ZAN: variants seen among roughly 807,000 people sequenced by gnomAD.
The protein encoded by ZAN is zonadhesin (gene/pseudogene).
In ZAN, 260 loss-of-function variants were observed where a neutral mutation model predicts 286.2. The observed-to-expected ratio is 0.91, with a 90% CI of 0.82 to 1.01. The LOEUF is 1.01. ZAN is among the 50% of genes least tolerant of loss of function. The pLI, the probability that ZAN is intolerant of heterozygous loss-of-function variation, is 0.00. For synonymous variants in ZAN, 1,368 were observed against 1,417.5 expected, an observed-to-expected ratio of 0.97 and a Z score of 0.79; for missense variants, 3,410 against 3,639.2, an observed-to-expected ratio of 0.94 and a Z score of 1.62.
At chr7:100,788,816 A>G (rs1358970917) in intron 38 of ZAN, among the ~76,000 whole-genome samples, 3 of 152,054 alleles carry the variant, frequency 2.0e-5, no homozygotes, top group Non-Finnish European at 4.4e-5. Context: ...ATCCTGCCTC[A>G]ACCTCCCTAG....
chr7:100,779,841 G>A (rs927477037), intron 35 of ZAN, 91 bp downstream of exon 35: 12 of 1,324,696 alleles, frequency 9.1e-6, no homozygotes, highest in Admixed American at 5.4e-5. Context: ...CTTCCTGTTC[G>A]TTCCTGACTA....
In ZAN at chr7:100,736,347, G is replaced by T. The variant is rs187208532; in HGVS notation, c.107-136G>T. The T allele has an allele frequency of 1.1e-5, 11 of 1,039,992 alleles. 1 individual carries two copies. The Admixed American group carries it at 1.4e-4, about 14-fold the overall frequency. 64.4% of individuals were successfully genotyped at this position (1,039,992 alleles called of 1,614,324 possible). ...GCCTCCCCAGTAGCTGGGACTACAG[G>T]TGTGCGCCACCACACCCGGCTGATT... On this transcript the variant is annotated intron_variant, in intron 3 of 47. Transcript: ENST00000613979.
chr7:100,753,439 T>TG (rs1158569773), intron 14 of ZAN, among the ~76,000 whole-genome samples: 3 of 152,054 alleles, frequency 2.0e-5, no homozygotes, highest in African/African-American at 7.2e-5. Context: ...CTGGAGTGGG[T>TG]GGGGGTGTCA....
chr7:100,785,250 C>T (rs926896502), intron 36 of ZAN, among the ~76,000 whole-genome samples: 4 of 109,188 alleles, frequency 3.7e-5, no homozygotes, highest in African/African-American at 1.0e-4. Context: ...TTTTTTGAGA[C>T]GGAGTCTCCC....
chr7:100,794,045 G>T, intron 43 of ZAN, 27 bp downstream of exon 43: 1 of 1,612,448 alleles, frequency 6.2e-7, no homozygotes, highest in East Asian at 2.2e-5. Flanking sequence ...GGAGGCCCTG[G>T]GGAGCAGAGG....
Position 100,788,187 on chromosome 7 carries a change from T to C in ZAN, c.7227+51T>C. ...GGTGTGGGGAGGCAGCTGGACCAGGTAGGCCACCTGGAGTAGAAGTCAGGG... is the reference window on the plus strand; with the variant it reads ...GGTGTGGGGAGGCAGCTGGACCAGGCAGGCCACCTGGAGTAGAAGTCAGGG... On this transcript the variant is annotated intron_variant, in intron 38 of 47. Transcript: ENST00000613979. 4.2e-6 allele frequency: 6 copies of C among 1,428,518 alleles called. No individual in the cohort carries two copies. In the Middle Eastern group the frequency reaches 6.0e-4, roughly 143 times the overall value. The allele number at this position is 1,428,518 out of a possible 1,614,324, so 88.5% of individuals were successfully genotyped here. A position where few individuals can be genotyped will look rare whatever the true frequency, so the allele number is the denominator to read the frequency against.
At chr7:100,759,621 TG>T in intron 17 of ZAN, 99 bp from the exon 18 acceptor site, 1 of 1,413,636 alleles carries the variant, frequency 7.1e-7, no homozygotes. Context: ...GGTGTCTCGG[TG>T]GCGCTCATCT....
chr7:100,766,603 T>G lies in ZAN; in HGVS notation c.4549T>G (p.Trp1517Gly). 1 of 1,556,354 alleles carries G rather than the reference T, an allele frequency of 6.4e-7. No individual in the cohort carries two copies. The highest frequency in any genetic ancestry group is 8.7e-7 in the Non-Finnish European group (1 of 1,149,824). ...ESNNRIRCQP[W>G]RCRAQEFCGQ... Reference sequence around the variant, plus strand: ...CAACAACAGAATTCGCTGCCAGCCCTGGAGGTGTAGGGCCCAGGAGTTCTG... The same window carrying G: ...CAACAACAGAATTCGCTGCCAGCCCGGGAGGTGTAGGGCCCAGGAGTTCTG... Residue 1517 changes from tryptophan to glycine, a missense_variant, in exon 24 of 48, where the codon TGG (tryptophan) becomes GGG (glycine). Trp to Gly is a radical substitution (Grantham distance 184). Coordinates refer to ENST00000613979, the MANE Select transcript of ZAN (RefSeq NM_003386.3).
chr7:100,775,194 T>C, intron 31 of ZAN, 134 bp from the exon 32 acceptor site: 3 of 1,341,214 alleles, frequency 2.2e-6, no homozygotes, highest in Non-Finnish European at 3.0e-6. Context: ...ATTACAGGCA[T>C]GAGCCACTGC....
chr7:100,759,650 C>T, intron 17 of ZAN, 71 bp from the exon 18 acceptor site: 2 of 1,498,546 alleles, frequency 1.3e-6, no homozygotes, highest in Middle Eastern at 1.7e-4. Context: ...CGGCGCCAGG[C>T]TCAGGGCACT....
chr7:100,781,013 G>A (rs1449133773), intron 35 of ZAN, among the ~76,000 whole-genome samples: 6 of 151,990 alleles, frequency 3.9e-5, no homozygotes, highest in Middle Eastern at 3.4e-3. Flanking sequence ...GAAAAACAAC[G>A]TCTTATTATT....
chr7:100,775,911 G>A (rs1810750764), intron 33 of ZAN, 78 bp downstream of exon 33: 2 of 1,552,418 alleles, frequency 1.3e-6, no homozygotes, highest in East Asian at 4.5e-5. Flanking sequence ...GGGGGGCAGT[G>A]TTCGCATCGT....
chr7:100,772,707 G>C (rs1290911292), intron 29 of ZAN, among the ~76,000 whole-genome samples: 1 of 151,588 alleles, frequency 6.6e-6, no homozygotes, highest in Non-Finnish European at 1.5e-5. Context: ...TGTAGTCCCA[G>C]CTACTCGGGA....
At position 100,737,090 on chromosome 7, in the gene ZAN, G is replaced by A; in HGVS notation, c.525+10G>A. ...CACCCTGCCCACCCGGGTAAGGCCG[G>A]GGACAAATTGTGGGACCTCGGGGGG... On this transcript the variant is annotated intron_variant, in intron 5 of 47. Transcript: ENST00000613979. 1 of 1,487,970 alleles carries A rather than the reference G, an allele frequency of 6.7e-7. No homozygotes were observed. The allele number at this position is 1,487,970 out of a possible 1,614,324, so 92.2% of individuals were successfully genotyped here.
At chr7:100,759,161 G>A (rs994660184) in intron 17 of ZAN, among the ~76,000 whole-genome samples, 1 of 151,946 alleles carries the variant, frequency 6.6e-6, no homozygotes, top group African/African-American at 2.4e-5. Flanking sequence ...GGAGGCGGAG[G>A]TTGCAGTGAG....
At position 100,751,891 on chromosome 7, in the gene ZAN, G is replaced by T; in HGVS notation, c.1786G>T (p.Glu596Ter). ...VPKEKPTIPT[E>*]KPTISTEKPT... Reference sequence around the variant, plus strand: ...CAAAGAAAAGCCCACCATTCCCACAGAAAAACCCACCATCTCCACAGAAAA... The same window carrying T: ...CAAAGAAAAGCCCACCATTCCCACATAAAAACCCACCATCTCCACAGAAAA... Residue 596 changes from glutamate to a stop codon, truncating the protein, a stop_gained, in exon 14 of 48, where the codon GAA becomes TAA. Coordinates refer to ENST00000613979, the MANE Select transcript of ZAN (RefSeq NM_003386.3). LOFTEE classifies it high-confidence loss of function. 1 of 1,613,118 alleles carries T rather than the reference G, an allele frequency of 6.2e-7. No homozygotes were observed. The highest frequency in any genetic ancestry group is 8.5e-7 in the Non-Finnish European group (1 of 1,179,732).
rs140521765 is a variant in ZAN, at chr7:100,773,878, C to G, written c.5779+13C>G. ...TGTCGGGCCTCAGGTAGGAGGACCA[C>G]GGTGATGGGGGGACTCCACAGCCCT... On this transcript the variant is annotated intron_variant, in intron 31 of 47. Coordinates refer to ENST00000613979, the MANE Select transcript of ZAN (RefSeq NM_003386.3). The G allele has an allele frequency of 6.3e-7, 1 of 1,594,594 alleles. No individual in the cohort carries two copies.
At chr7:100,788,899 A>T (rs1401847343) in intron 38 of ZAN, among the ~76,000 whole-genome samples, 1 of 151,954 alleles carries the variant, frequency 6.6e-6, no homozygotes, top group Non-Finnish European at 1.5e-5. Flanking sequence ...TGGTTTCCCC[A>T]TGTTGGCCAG....
intron 28 of ZAN, among the ~76,000 whole-genome samples, chr7:100,770,372 C>T (rs374684154): frequency 5.1e-4 from 78 of 151,596 alleles, no homozygotes; most frequent in African/African-American, 1.7e-3. Flanking sequence ...GGCCTGGTGA[C>T]GGGCACCTGT....
Sources: allele counts gnomAD v4.1 joint callset (sites outside exome capture counted in the v4.1 genomes callset), GRCh38; gene constraint gnomAD v4.1.1; transcripts MANE v1.5; gene names NCBI Gene and HGNC (gene_info 2026-07-23, HGNC 2026-07-21).